The following NRG3 variants were observed in gnomAD, a reference collection of about 807,000 sequenced individuals.
NRG3 encodes the protein neuregulin 3, also known as pro-neuregulin-3, membrane-bound isoform.
NRG3 carries 31 observed loss-of-function variants against 66.9 expected under a neutral mutation model. The observed-to-expected ratio is 0.46, with a 90% confidence interval of 0.35 to 0.63. The LOEUF is 0.63. NRG3 is among the 20% of genes least tolerant of loss of function. NRG3 has a pLI of 0.00. For missense variants in NRG3, 910 were observed against 878.9 expected (o/e 1.04, Z -0.45); for synonymous variants, 393 against 359.4 (o/e 1.09, Z -1.06).
intron 3 of NRG3, among the ~76,000 whole-genome samples, chr10:82,832,654 A>G (rs190295806): frequency 9.0e-4 from 137 of 152,304 alleles, no homozygotes; most frequent in South Asian, 2.7e-3. Context: ...ATGAGAGGGT[A>G]TTATTTATAT....
chr10:82,052,070 T>G (rs926962596), intron 1 of NRG3, among the ~76,000 whole-genome samples: 11 of 152,006 alleles, frequency 7.2e-5, no homozygotes, highest in Non-Finnish European at 1.2e-4. Flanking sequence ...CTCCTCATTT[T>G]CTGGCAATGT....
At chr10:82,816,908 C>T (rs188006573) in intron 3 of NRG3, among the ~76,000 whole-genome samples, 76 of 152,330 alleles carry the variant, frequency 5.0e-4, no homozygotes, top group Admixed American at 3.5e-3. Context: ...TTTCCCAGAC[C>T]ATGCCTGAGA....
At chr10:81,951,614 G>A (rs1280383338) in intron 1 of NRG3, among the ~76,000 whole-genome samples, 1 of 152,010 alleles carries the variant, frequency 6.6e-6, no homozygotes, top group Non-Finnish European at 1.5e-5. Flanking sequence ...AACCTATTGG[G>A]GTCCAAGCAT....
In NRG3 at chr10:82,228,782, T is replaced by C. The variant is rs1564687313; in HGVS notation, c.824-129957T>C. On this transcript the variant is annotated intron_variant, in intron 1 of 8. Coordinates refer to ENST00000372141, the MANE Select transcript of NRG3 (RefSeq NM_001010848.4). The stretch of plus-strand genomic sequence containing the variant: ...AAGGCTCCAGAGCCCAGTATGCCAT[T>C]TCAGAAGTAGATGGTATGCCCTTCT... 3.3e-5 allele frequency: 5 copies of C among 152,222 alleles called. 1 individual carries two copies. Among genetic ancestry groups the C allele is most frequent in the African/African-American group, 2.4e-5 (1 of 41,466 alleles). The allele number at this position is 152,222 out of a possible 1,614,324, so 9.4% of individuals were successfully genotyped here. A position where few individuals can be genotyped will look rare whatever the true frequency, so the allele number is the denominator to read the frequency against.
At chr10:82,554,845 G>A (rs941288305) in intron 2 of NRG3, among the ~76,000 whole-genome samples, 1 of 152,136 alleles carries the variant, frequency 6.6e-6, no homozygotes, top group Non-Finnish European at 1.5e-5. Flanking sequence ...AGACATGAAC[G>A]ACATGTGAAT....
intron 1 of NRG3, among the ~76,000 whole-genome samples, chr10:82,158,249 A>G (rs1251180678): frequency 6.6e-6 from 1 of 151,846 alleles, no homozygotes; most frequent in Non-Finnish European, 1.5e-5. Context: ...CTGAATTAAC[A>G]TGTCATTTAT....
chr10:82,837,350 G>A (rs1321025784), intron 3 of NRG3, among the ~76,000 whole-genome samples: 1 of 152,112 alleles, frequency 6.6e-6, no homozygotes, highest in Non-Finnish European at 1.5e-5. Flanking sequence ...CTAGTTTACA[G>A]TCCCATTGTT....
At chr10:81,896,976 T>C (rs970989419) in intron 1 of NRG3, among the ~76,000 whole-genome samples, 1 of 152,156 alleles carries the variant, frequency 6.6e-6, no homozygotes, top group Non-Finnish European at 1.5e-5. Context: ...ATTTCAGCTA[T>C]TGAGACATGC....
intron 2 of NRG3, among the ~76,000 whole-genome samples, chr10:82,440,124 T>C (rs917251144): frequency 6.6e-6 from 1 of 152,046 alleles, no homozygotes; most frequent in Admixed American, 6.5e-5. Context: ...TTTTCTATGA[T>C]CACTGGACTC....
intron 4 of NRG3, among the ~76,000 whole-genome samples, chr10:82,946,900 A>G (rs1689486149): frequency 6.6e-6 from 1 of 152,158 alleles, no homozygotes; most frequent in South Asian, 2.1e-4. Context: ...CATATTCGAC[A>G]TATTCTTTGC....
At chr10:82,248,617 G>A (rs1008821245) in intron 1 of NRG3, among the ~76,000 whole-genome samples, 13 of 152,086 alleles carry the variant, frequency 8.5e-5, no homozygotes, top group African/African-American at 2.2e-4. Flanking sequence ...ATGTTACTAC[G>A]TGCAAAAATG....
intron 2 of NRG3, among the ~76,000 whole-genome samples, chr10:82,443,515 C>T (rs2090553664): frequency 6.6e-6 from 1 of 152,106 alleles, no homozygotes; most frequent in Non-Finnish European, 1.5e-5. Context: ...CTCATCAATC[C>T]TTTTACAACC....
At chr10:82,961,740 G>T (rs562519613) in intron 6 of NRG3, among the ~76,000 whole-genome samples, 9 of 152,178 alleles carry the variant, frequency 5.9e-5, no homozygotes, top group Non-Finnish European at 8.8e-5. Flanking sequence ...AAGTGGTAAA[G>T]AAGTTCACAG....
intron 1 of NRG3, among the ~76,000 whole-genome samples, chr10:81,878,594 A>AT (rs767816021): frequency 3.0e-4 from 45 of 152,030 alleles, no homozygotes; most frequent in East Asian, 1.9e-4. Flanking sequence ...TGGTGTTCAT[A>AT]TTTTTTTTAC....
At chr10:82,330,141 A>T (rs577871274) in intron 1 of NRG3, among the ~76,000 whole-genome samples, 1 of 152,300 alleles carries the variant, frequency 6.6e-6, no homozygotes, top group East Asian at 1.9e-4. Context: ...TGTTGGCACC[A>T]TTTTTAAGAA....
At chr10:82,476,437 A>G (rs1258308659) in intron 2 of NRG3, among the ~76,000 whole-genome samples, 5 of 152,228 alleles carry the variant, frequency 3.3e-5, no homozygotes, top group South Asian at 2.1e-4. Context: ...CATAATAGCC[A>G]AAGGTGAAGT....
At chr10:82,952,760 G>T (rs1849664991) in intron 5 of NRG3, among the ~76,000 whole-genome samples, 1 of 151,754 alleles carries the variant, frequency 6.6e-6, no homozygotes, top group Non-Finnish European at 1.5e-5. Flanking sequence ...TATAGTTTGT[G>T]ATACCTGTCT....
chr10:82,380,567 A>G (rs2085547282), intron 2 of NRG3, among the ~76,000 whole-genome samples: 1 of 152,156 alleles, frequency 6.6e-6, no homozygotes, highest in African/African-American at 2.4e-5. Context: ...GAATTGTACT[A>G]TGTAGTAAGA....
chr10:82,416,779 G>A (rs889353394), intron 2 of NRG3, among the ~76,000 whole-genome samples: 45 of 152,218 alleles, frequency 3.0e-4, no homozygotes, highest in African/African-American at 1.1e-3. Flanking sequence ...GATACCTGCT[G>A]TGCAAAGGTG....
Sources: gnomAD v4.1 joint callset for allele counts (sites outside exome capture counted in the v4.1 genomes callset) on GRCh38, gnomAD v4.1.1 for gene constraint, MANE v1.5 for transcripts, NCBI Gene and HGNC (gene_info 2026-07-23, HGNC 2026-07-21) for gene names.